Variants in QARS1 observed in about 807,000 individuals in gnomAD.
QARS1 encodes glutaminyl-tRNA synthetase 1.
A neutral mutation model predicts 106.9 loss-of-function variants in QARS1; 79 were observed. That is an observed-to-expected ratio of 0.74 (90% CI 0.62 to 0.89). QARS1 has a LOEUF of 0.89. QARS1 is among the 40% of genes least tolerant of loss of function. The probability of loss-of-function intolerance (pLI) is 0.00; values close to 1 mark genes in which losing one functional copy is unlikely to be tolerated. For missense variants in QARS1, 966 were observed against 997.2 expected (o/e 0.97, Z 0.42); for synonymous variants, 395 against 367.7 (o/e 1.07, Z -0.85).
intron 10 of QARS1, 56 bp downstream of exon 10, chr3:49,101,299 C>T (rs1015103531): frequency 2.1e-5 from 28 of 1,364,876 alleles, no homozygotes; most frequent in Non-Finnish European, 2.3e-5. Context: ...ATGGTATCCA[C>T]TCATGGGAAC....
At position 49,098,354 on chromosome 3, in the gene QARS1, G is replaced by C. The variant is rs376482152; in HGVS notation, c.2083C>G (p.Leu695Val). 9.9e-6 allele frequency: 16 copies of C among 1,614,112 alleles called. No homozygotes were observed. Among genetic ancestry groups the C allele is most frequent in the Non-Finnish European group, 1.4e-5 (16 of 1,180,042 alleles). Residue 695 changes from leucine to valine, a missense_variant and splice_region_variant, in exon 21 of 24, where the codon CTA becomes GTA. By Grantham distance (32) the Leu-to-Val change is conservative (BLOSUM62 1). Transcript: ENST00000306125. ...CCCACCCCAGCTCTGTTCACTCACA[G>C]TCGCTCATAGAGGCGAACCTCACAC... ...LMCEVRLYER[L>V]FQHKNPEDPT...
chr3:49,099,043 A>G (rs2042430658), intron 18 of QARS1, 54 bp from the exon 19 acceptor site: 16 of 1,613,222 alleles, frequency 9.9e-6, no homozygotes, highest in Non-Finnish European at 1.2e-5. Flanking sequence ...TAGGACCCCC[A>G]TGCCCAGAGC....
chr3:49,101,037 C>T (rs755014008), intron 10 of QARS1, among the ~76,000 whole-genome samples: 3 of 152,218 alleles, frequency 2.0e-5, no homozygotes, highest in African/African-American at 4.8e-5. Context: ...CCACCCAACC[C>T]GGACTCATGT....
In QARS1 at chr3:49,103,859, TCA is replaced by T. The variant is rs1229850341; in HGVS notation, c.375+2_375+3del. On this transcript the variant is annotated splice_donor_variant and splice_donor_region_variant and intron_variant, in intron 3 of 23. Coordinates refer to ENST00000306125, the MANE Select transcript of QARS1 (RefSeq NM_005051.3). LOFTEE classifies it high-confidence loss of function. ...AGGCAGACGATGCCTGGGGAAAGAC[TCA>T]CAGCCTCCTCAATCTGCTCTGGGGT... The T allele has an allele frequency of 6.2e-7, 1 of 1,613,592 alleles. No individual in the cohort carries two copies. Among genetic ancestry groups the T allele is most frequent in the Admixed American group, 1.7e-5 (1 of 60,000 alleles).
rs1274617185 is a variant in QARS1, at chr3:49,099,143, T to C, written c.1725A>G (p.Leu575=). The change falls in exon 18 of 24, where the codon CTA becomes CTG. Residue 575 remains leucine, a synonymous_variant. Coordinates refer to ENST00000306125, the MANE Select transcript of QARS1 (RefSeq NM_005051.3). The stretch of plus-strand genomic sequence containing the variant: ...CAGGAAAGTTGGTGATGATGACCCG[T>C]AGTGACTCCAGCACAGCCATGGCTC... The part of the protein sequence containing the change: ...APRAMAVLES[L]RVIITNFPAA... 4 of 1,614,150 alleles carry C rather than the reference T, an allele frequency of 2.5e-6. No individual in the cohort carries two copies. The highest frequency in any genetic ancestry group is 8.5e-7 in the Non-Finnish European group (1 of 1,180,024).
rs1267674007 is a variant in QARS1 at position 49,098,385 on chromosome 3, AGGCT to A, written c.2048_2051del (p.Gln683LeufsTer2). 1 of 1,614,192 alleles carries A rather than the reference AGGCT, an allele frequency of 6.2e-7. No individual in the cohort carries two copies. Reference sequence around the variant, plus strand: ...CATAGAGGCGAACCTCACACATCAAAGGCTGTGACACCCAGTGAATAAAGGCCTT... The same window carrying A: ...CATAGAGGCGAACCTCACACATCAAAGTGACACCCAGTGAATAAAGGCCTT... On this transcript the variant is annotated frameshift_variant, in exon 21 of 24. Transcript: ENST00000306125. LOFTEE classifies it high-confidence loss of function.
In QARS1 at chr3:49,104,714, A is replaced by G. The variant is rs745939182; in HGVS notation, c.20T>C (p.Leu7Pro). MAALDS[L>P]SLFTSLGLSE... ...CAGGCCGAGGCTAGTGAAGAGCGAC[A>G]GGGAGTCTAGAGCCGCCATTGCAGA... The change falls in exon 1 of 24, where the codon CTG becomes CCG. Residue 7 changes from leucine to proline, a missense_variant. Physicochemically the swap from Leu to Pro is moderately conservative, Grantham distance 98 (BLOSUM62 -3). Coordinates refer to ENST00000306125, the MANE Select transcript of QARS1 (RefSeq NM_005051.3). 5.6e-6 allele frequency: 9 copies of G among 1,612,846 alleles called. No individual in the cohort carries two copies. In the South Asian group the frequency reaches 9.9e-5, roughly 18 times the overall value.
At chr3:49,104,024 C>G (rs768187778) in intron 2 of QARS1, 52 bp from the exon 3 acceptor site, 3 of 1,493,210 alleles carry the variant, frequency 2.0e-6, no homozygotes, top group Non-Finnish European at 2.8e-6. Context: ...AAGAAGTGGA[C>G]AGACAGGGTC....
In QARS1 at chr3:49,104,602, C is replaced by T. The variant is rs781729139; in HGVS notation, c.117+15G>A. 4.4e-6 allele frequency: 7 copies of T among 1,598,324 alleles called. No individual in the cohort carries two copies. In the South Asian group the frequency reaches 7.7e-5, roughly 18 times the overall value. The stretch of plus-strand genomic sequence containing the variant: ...CATGGTCTGCAAACCAGGCCGGGGG[C>T]AGAGGGGCTCGCACCTGAGTAGCGG... On this transcript the variant is annotated intron_variant, in intron 1 of 23. Transcript: ENST00000306125.
In QARS1 at chr3:49,096,769, C is replaced by T. The variant is rs1303556866; in HGVS notation, c.2278-690G>A. On this transcript the variant is annotated intron_variant, in intron 23 of 23. Coordinates refer to ENST00000306125, the MANE Select transcript of QARS1 (RefSeq NM_005051.3). ...GAGCCGAGATTGTGCCACTGCACTC[C>T]AGCCTGGGCGACATGTGAGACTCCG... Among the ~76,000 whole-genome samples, 3 of 122,136 alleles carry T rather than the reference C, an allele frequency of 2.5e-5. No homozygotes were observed. In the South Asian group the frequency reaches 8.7e-4, roughly 36 times the overall value. The allele number at this position is 122,136 out of a possible 152,430, so 80.1% of individuals were successfully genotyped here. A position where few individuals can be genotyped will look rare whatever the true frequency, so the allele number is the denominator to read the frequency against.
At position 49,104,610 on chromosome 3, in the gene QARS1, C is replaced by G. The variant is rs2042515687; in HGVS notation, c.117+7G>C. The stretch of plus-strand genomic sequence containing the variant: ...GCAAACCAGGCCGGGGGCAGAGGGG[C>G]TCGCACCTGAGTAGCGGCCTCGCGC... On this transcript the variant is annotated splice_region_variant and intron_variant, in intron 1 of 23. Coordinates refer to ENST00000306125, the MANE Select transcript of QARS1 (RefSeq NM_005051.3). 1 of 1,599,974 alleles carries G rather than the reference C, an allele frequency of 6.3e-7. No individual in the cohort carries two copies. Among genetic ancestry groups the G allele is most frequent in the African/African-American group, 1.3e-5 (1 of 74,628 alleles).
At position 49,100,016 on chromosome 3, in the gene QARS1, C is replaced by A. The variant is rs1430336797; in HGVS notation, c.1240G>T (p.Asp414Tyr). ...TACTTGACTCGATAGGCTACAGGGT[C>A]CATCTTGCCATCCTCCATCACCAGC... Reference protein sequence around the residue: ...MKLVMEDGKMDPVAYRVKYTP... With the variant: ...MKLVMEDGKMYPVAYRVKYTP... Residue 414 changes from aspartate to tyrosine, a missense_variant, in exon 14 of 24, where the codon GAC becomes TAC. Asp to Tyr is a radical substitution (Grantham distance 160). Transcript: ENST00000306125. 2 of 1,614,216 alleles carry A rather than the reference C, an allele frequency of 1.2e-6. No individual in the cohort carries two copies. The highest frequency in any genetic ancestry group is 3.3e-5 in the Admixed American group (2 of 60,026).
At position 49,099,636 on chromosome 3, in the gene QARS1, T is replaced by C; in HGVS notation, c.1400A>G (p.Tyr467Cys). ...GTCCAGTGCATTGCAAAGCCAGAAG[T>C]AGGAAGAGCGTCTGGGGTGGGAGAG... ...TKEFQARRSS[Y>C]FWLCNALDVY... The change falls in exon 16 of 24, where the codon TAC becomes TGC. Residue 467 changes from tyrosine to cysteine, a missense_variant. Transcript: ENST00000306125. The C allele has an allele frequency of 1.2e-6, 2 of 1,613,946 alleles. No individual in the cohort carries two copies. The highest frequency in any genetic ancestry group is 1.7e-6 in the Non-Finnish European group (2 of 1,179,972).
rs2042502158 is a variant in QARS1 at position 49,103,796 on chromosome 3, G to A, written c.375+67C>T. 3.1e-6 allele frequency: 5 copies of A among 1,597,990 alleles called. No individual in the cohort carries two copies. In the Admixed American group the frequency reaches 8.4e-5, roughly 27 times the overall value. On this transcript the variant is annotated intron_variant, in intron 3 of 23. Transcript: ENST00000306125. ...CCTCACTCTGGGTCTTCCTGAGGAG[G>A]GAAACTGAGCCACTCCTTTCCATGG...
intron 2 of QARS1, 113 bp from the exon 3 acceptor site, chr3:49,104,085 C>G: frequency 1.7e-6 from 2 of 1,156,102 alleles, no homozygotes; most frequent in Non-Finnish European, 2.6e-6. Flanking sequence ...AAGTTAAGCC[C>G]TGGCACCACC....
intron 23 of QARS1, among the ~76,000 whole-genome samples, chr3:49,096,514 A>G (rs1026874015): frequency 6.6e-6 from 1 of 151,580 alleles, no homozygotes; most frequent in African/African-American, 2.4e-5. Flanking sequence ...AAATACAAAA[A>G]TTAGGCCAGG....
intron 1 of QARS1, 69 bp from the exon 2 acceptor site, chr3:49,104,540 G>A (rs746092978): frequency 6.5e-5 from 104 of 1,603,376 alleles, no homozygotes; most frequent in Non-Finnish European, 8.5e-5. Flanking sequence ...AAACGGGGCA[G>A]GTCGGGATCT....
intron 23 of QARS1, among the ~76,000 whole-genome samples, chr3:49,096,518 G>C (rs1417542158): frequency 1.3e-5 from 2 of 152,002 alleles, no homozygotes; most frequent in Non-Finnish European, 2.9e-5. Flanking sequence ...ACAAAAATTA[G>C]GCCAGGCGCA....
At chr3:49,102,512 T>G in intron 5 of QARS1, 40 bp from the exon 6 acceptor site, 1 of 1,609,978 alleles carries the variant, frequency 6.2e-7, no homozygotes, top group Non-Finnish European at 8.5e-7. Flanking sequence ...AGGAGTATCC[T>G]CTTTCAAGGA....
Sources: allele counts gnomAD v4.1 joint callset (sites outside exome capture counted in the v4.1 genomes callset), GRCh38; gene constraint gnomAD v4.1.1; transcripts MANE v1.5; gene names NCBI Gene and HGNC (gene_info 2026-07-23, HGNC 2026-07-21).